PLEKHG7: variants seen among roughly 807,000 people sequenced by gnomAD.
The protein encoded by PLEKHG7 is pleckstrin homology and RhoGEF domain containing G7.
In PLEKHG7, 77 loss-of-function variants were observed where a neutral mutation model predicts 85.2. The ratio of observed to expected loss-of-function variants is 0.90; its 90% CI spans 0.75 to 1.09. The LOEUF (loss-of-function observed/expected upper bound fraction) is 1.09. PLEKHG7 is among the 50% of genes least tolerant of loss of function. PLEKHG7 has a pLI of 0.00. For synonymous variants in PLEKHG7, 301 were observed against 302.4 expected (o/e 1.00, Z 0.05); for missense variants, 777 against 804.3 (o/e 0.97, Z 0.41).
chr12:92,760,882 A>G (rs1032806800), intron 13 of PLEKHG7, among the ~76,000 whole-genome samples: 2 of 152,226 alleles, frequency 1.3e-5, no homozygotes, highest in Admixed American at 1.3e-4. Context: ...ATGACTGTCA[A>G]CCTAGGCCGC....
chr12:92,706,747 G>C lies in PLEKHG7; in HGVS notation c.116G>C (p.Arg39Pro), dbSNP rs749423311. 3 of 1,614,020 alleles carry C rather than the reference G, an allele frequency of 1.9e-6. No homozygotes were observed. Among genetic ancestry groups the C allele is most frequent in the Non-Finnish European group, 2.5e-6 (3 of 1,180,020 alleles). ...KNQGSLLQFDRQAPGRISTSP... is the reference protein window; with the variant it reads ...KNQGSLLQFDPQAPGRISTSP... ...CAGGGGAGTCTCCTCCAGTTTGACC[G>C]GCAAGCCCCAGGCCGCATCTCCACC... The change falls in exon 2 of 17, where the codon CGG (arginine) becomes CCG (proline). Residue 39 changes from arginine to proline, a missense_variant. Arg to Pro is a moderately radical substitution (Grantham distance 103, BLOSUM62 -2). Coordinates refer to ENST00000344636, the MANE Select transcript of PLEKHG7 (RefSeq NM_001377329.1).
At chr12:92,757,940 G>A (rs1176448075) in intron 13 of PLEKHG7, among the ~76,000 whole-genome samples, 5 of 152,190 alleles carry the variant, frequency 3.3e-5, no homozygotes, top group Admixed American at 2.0e-4. Flanking sequence ...TGGTGAAACC[G>A]GAAGTTCAGT....
At chr12:92,734,704 T>A (rs552679161) in intron 5 of PLEKHG7, among the ~76,000 whole-genome samples, 19 of 152,216 alleles carry the variant, frequency 1.2e-4, no homozygotes, top group Middle Eastern at 3.4e-3. Context: ...TCTCCATAGA[T>A]CTTGCCTTTT....
intron 15 of PLEKHG7, among the ~76,000 whole-genome samples, chr12:92,765,510 C>T (rs1867420): frequency 0.54 from 80,982 of 151,336 alleles, 22,440 homozygotes; most frequent in East Asian, 0.92. Flanking sequence ...ACACCTGTGA[C>T]CCCAGCTACT....
chr12:92,758,547 G>A (rs935223726), intron 13 of PLEKHG7, among the ~76,000 whole-genome samples: 1 of 152,196 alleles, frequency 6.6e-6, no homozygotes, highest in Non-Finnish European at 1.5e-5. Flanking sequence ...TTCATGCATC[G>A]CATGGGTTCA....
chr12:92,718,835 C>T (rs1004519134), intron 3 of PLEKHG7, among the ~76,000 whole-genome samples: 1 of 152,186 alleles, frequency 6.6e-6, no homozygotes, highest in Non-Finnish European at 1.5e-5. Context: ...TACCATGGTG[C>T]TCTGAACACA....
At chr12:92,756,242 A>G (rs2136623528) in intron 12 of PLEKHG7, 56 bp from the exon 13 acceptor site, 2 of 1,348,182 alleles carry the variant, frequency 1.5e-6, no homozygotes, top group Admixed American at 1.8e-5. Flanking sequence ...CTTTTTAAAC[A>G]TGTTCTCTTC....
chr12:92,763,397 C>T (rs1160242012), intron 14 of PLEKHG7, among the ~76,000 whole-genome samples: 5 of 152,146 alleles, frequency 3.3e-5, no homozygotes, highest in African/African-American at 7.2e-5. Flanking sequence ...TCATCGAACT[C>T]AATACTATAG....
intron 13 of PLEKHG7, among the ~76,000 whole-genome samples, chr12:92,757,724 A>T (rs1453409352): frequency 3.3e-5 from 5 of 152,192 alleles, no homozygotes; most frequent in African/African-American, 9.7e-5. Context: ...ACCGAGTACC[A>T]GCTGGAGCCT....
Position 92,770,086 on chromosome 12 carries a change from A to C in PLEKHG7, c.1969-2A>C, listed in dbSNP as rs1335653317. On this transcript the variant is annotated splice_acceptor_variant, in intron 16 of 16. Transcript: ENST00000344636. LOFTEE classifies it high-confidence loss of function. ...TATGTATTTTTTTCTTTTTTTCAAC[A>C]GAAAACATGGATGGCACAAATAACA... is the stretch of plus-strand genomic sequence containing the variant. 6.4e-7 allele frequency: 1 copy of C among 1,572,456 alleles called. No homozygotes were observed. Among genetic ancestry groups the C allele is most frequent in the South Asian group, 1.2e-5 (1 of 83,224 alleles).
intron 10 of PLEKHG7, among the ~76,000 whole-genome samples, chr12:92,748,725 C>G (rs4760494): frequency 1.3e-5 from 2 of 151,920 alleles, no homozygotes; most frequent in Non-Finnish European, 2.9e-5. Flanking sequence ...AGAACCATAG[C>G]AAGATTTTCA....
At chr12:92,730,353 T>C (rs1176210263) in intron 4 of PLEKHG7, among the ~76,000 whole-genome samples, 1 of 152,186 alleles carries the variant, frequency 6.6e-6, no homozygotes, top group Non-Finnish European at 1.5e-5. Context: ...GTCAATTAGT[T>C]AACAACTACA....
chr12:92,750,243 A>G (rs1182133116), intron 10 of PLEKHG7, among the ~76,000 whole-genome samples: 2 of 152,086 alleles, frequency 1.3e-5, no homozygotes, highest in Non-Finnish European at 2.9e-5. Context: ...ACTTATCAAT[A>G]AAAAGGCCTT....
At chr12:92,750,646 C>A in intron 10 of PLEKHG7, among the ~76,000 whole-genome samples, 1 of 152,188 alleles carries the variant, frequency 6.6e-6, no homozygotes, top group Admixed American at 6.5e-5. Context: ...CTCCCAGCCA[C>A]CCAAGAGGTC....
chr12:92,731,920 C>T (rs1033632685), intron 4 of PLEKHG7, among the ~76,000 whole-genome samples: 1 of 152,126 alleles, frequency 6.6e-6, no homozygotes, highest in Non-Finnish European at 1.5e-5. Flanking sequence ...TACTCAACAT[C>T]TTCAGTACAG....
intron 10 of PLEKHG7, among the ~76,000 whole-genome samples, chr12:92,748,755 C>T (rs1467454175): frequency 2.6e-5 from 4 of 152,208 alleles, no homozygotes; most frequent in African/African-American, 7.2e-5. Context: ...ATCCAGTGCT[C>T]TTCATATCAG....
intron 4 of PLEKHG7, among the ~76,000 whole-genome samples, chr12:92,731,506 G>T (rs1382259591): frequency 2.6e-5 from 4 of 152,166 alleles, no homozygotes; most frequent in Non-Finnish European, 5.9e-5. Flanking sequence ...GTCAGAACAT[G>T]CCACCCACAC....
chr12:92,720,666 G>C (rs1871613901), intron 3 of PLEKHG7, among the ~76,000 whole-genome samples: 1 of 152,060 alleles, frequency 6.6e-6, no homozygotes, highest in Non-Finnish European at 1.5e-5. Flanking sequence ...GTTGGATTTA[G>C]GGCCCACTCA....
chr12:92,761,848 T>C lies in PLEKHG7; in HGVS notation c.1716+17T>C. On this transcript the variant is annotated intron_variant, in intron 14 of 16. Transcript: ENST00000344636. ...AACAAAAAGGTAAAATGCTGCTATT[T>C]CAAAGTACGTTTCTAAACAAGTTTG... is the stretch of plus-strand genomic sequence containing the variant. The C allele has an allele frequency of 6.4e-7, 1 of 1,556,306 alleles. No homozygotes were observed. The highest frequency in any genetic ancestry group is 8.6e-7 in the Non-Finnish European group (1 of 1,160,198).
Sources: gnomAD v4.1 joint callset for allele counts (sites outside exome capture counted in the v4.1 genomes callset) on GRCh38, gnomAD v4.1.1 for gene constraint, MANE v1.5 for transcripts, NCBI Gene and HGNC (gene_info 2026-07-23, HGNC 2026-07-21) for gene names.